The following ADAMTSL1 variants were observed in gnomAD, a reference collection of about 807,000 sequenced individuals.
ADAMTSL1 encodes ADAMTS like 1.
Under a neutral mutation model 201.8 loss-of-function variants are expected in ADAMTSL1, and 126 were observed. The ratio of observed to expected loss-of-function variants is 0.62; its 90% CI spans 0.54 to 0.72. ADAMTSL1 has a LOEUF of 0.72. ADAMTSL1 is among the 30% of genes least tolerant of loss of function. ADAMTSL1 has a pLI of 0.00. For synonymous variants in ADAMTSL1, 1,121 were observed against 903.4 expected, an observed-to-expected ratio of 1.24 and a Z score of -4.32; for missense variants, 2,679 against 2,277.8, an observed-to-expected ratio of 1.18 and a Z score of -3.59.
intron 3 of ADAMTSL1, among the ~76,000 whole-genome samples, chr9:18,565,539 G>A (rs1239265959): frequency 6.7e-6 from 1 of 149,932 alleles, no homozygotes; most frequent in African/African-American, 2.5e-5. Context: ...ATGAAAATAT[G>A]GTGCCCTAAG....
chr9:18,401,545 AC>A (rs1220895269), intron 2 of ADAMTSL1, among the ~76,000 whole-genome samples: 1 of 152,192 alleles, frequency 6.6e-6, no homozygotes, highest in East Asian at 1.9e-4. Flanking sequence ...CTGAAGCATC[AC>A]CAAATTTTAA....
At chr9:18,327,942 T>C (rs1362211672) in intron 2 of ADAMTSL1, among the ~76,000 whole-genome samples, 1 of 152,206 alleles carries the variant, frequency 6.6e-6, no homozygotes, top group Non-Finnish European at 1.5e-5. Flanking sequence ...TCCTGTTTTT[T>C]GTTTGTTTGT....
At chr9:18,231,734 A>G (rs997889145) in intron 2 of ADAMTSL1, among the ~76,000 whole-genome samples, 4 of 152,194 alleles carry the variant, frequency 2.6e-5, no homozygotes, top group African/African-American at 9.6e-5. Flanking sequence ...CTTACGTGAG[A>G]TAAACTCTGG....
At chr9:17,981,509 T>C (rs930864591) in intron 1 of ADAMTSL1, among the ~76,000 whole-genome samples, 2 of 152,232 alleles carry the variant, frequency 1.3e-5, no homozygotes, top group African/African-American at 4.8e-5. Context: ...TGTGTCTTAT[T>C]AATTTTGACT....
Position 18,329,127 on chromosome 9 carries a change from C to A in ADAMTSL1, c.207+165146C>A, listed in dbSNP as rs1834937329. ...AGAGCCCTCATGAATGGGATTAGTG[C>A]CCTTATAAAAGAGACCACAGAGAGC... On this transcript the variant is annotated intron_variant, in intron 2 of 29. Transcript: ENST00000680146. 3.3e-5 allele frequency among the ~76,000 whole-genome samples: 5 copies of A among 151,984 alleles called. No homozygotes were observed. In the South Asian group the frequency reaches 1.0e-3, roughly 32 times the overall value.
intron 2 of ADAMTSL1, among the ~76,000 whole-genome samples, chr9:18,388,444 T>C (rs1040259859): frequency 1.3e-5 from 2 of 152,102 alleles, no homozygotes; most frequent in East Asian, 3.9e-4. Context: ...TGGCTAATTT[T>C]TGCATTTTCT....
At chr9:17,992,349 T>C (rs1273650342) in intron 1 of ADAMTSL1, among the ~76,000 whole-genome samples, 1 of 152,196 alleles carries the variant, frequency 6.6e-6, no homozygotes, top group Non-Finnish European at 1.5e-5. Context: ...AGTACTTTGT[T>C]GCTTGTAAAA....
intron 1 of ADAMTSL1, among the ~76,000 whole-genome samples, chr9:18,030,737 C>G (rs960743732): frequency 6.6e-6 from 1 of 152,012 alleles, no homozygotes; most frequent in African/African-American, 2.4e-5. Flanking sequence ...TTTTTGTGGA[C>G]TGTATACTCA....
intron 2 of ADAMTSL1, among the ~76,000 whole-genome samples, chr9:18,408,343 C>G (rs940842150): frequency 6.6e-6 from 1 of 152,090 alleles, no homozygotes; most frequent in Non-Finnish European, 1.5e-5. Context: ...TGGTGGTAGG[C>G]ACCTGTAATC....
intron 1 of ADAMTSL1, among the ~76,000 whole-genome samples, chr9:18,101,421 C>T (rs2131848827): frequency 6.6e-6 from 1 of 151,796 alleles, no homozygotes; most frequent in African/African-American, 2.4e-5. Flanking sequence ...TAGCTTGAAC[C>T]CAGGAGGCGG....
chr9:18,777,919 G>A lies in ADAMTSL1; in HGVS notation c.3677+13G>A. On this transcript the variant is annotated intron_variant, in intron 19 of 28. Transcript: ENST00000380548. ...AGTTCAGTGACAGGTGAGCCTTGTAGCTAACCTGGTCTTGGGAGGGAGGCA... is the reference window on the plus strand; with the variant it reads ...AGTTCAGTGACAGGTGAGCCTTGTAACTAACCTGGTCTTGGGAGGGAGGCA... The A allele has an allele frequency of 6.6e-7, 1 of 1,526,706 alleles. No homozygotes were observed. Among genetic ancestry groups the A allele is most frequent in the African/African-American group, 1.4e-5 (1 of 72,468 alleles). The allele number at this position is 1,526,706 out of a possible 1,614,324, so 94.6% of individuals were successfully genotyped here.
intron 2 of ADAMTSL1, among the ~76,000 whole-genome samples, chr9:18,186,190 A>G (rs933204219): frequency 3.3e-5 from 5 of 152,180 alleles, no homozygotes; most frequent in Admixed American, 3.3e-4. Flanking sequence ...ATGGTTGTGG[A>G]CCATAGGCTG....
chr9:18,022,742 A>T (rs1471218457), intron 1 of ADAMTSL1, among the ~76,000 whole-genome samples: 14 of 152,208 alleles, frequency 9.2e-5, no homozygotes, highest in African/African-American at 3.4e-4. Context: ...TGATTTATGC[A>T]TGTGCTGAAT....
At position 18,908,520 on chromosome 9, in the gene ADAMTSL1, G is replaced by A. The variant is rs41268987; in HGVS notation, c.5261G>A (p.Arg1754His). ...KLCQLSQFKS[R>H]CCGTCGKA ...TGCCAACTCAGCCAGTTTAAATCTC[G>A]CTGCTGTGGAACTTGTGGCAAAGCG... The change falls in exon 29 of 29, where the codon CGC becomes CAC. Residue 1754 changes from arginine to histidine, a missense_variant. Transcript: ENST00000380548. The A allele has an allele frequency of 2.3e-5, 36 of 1,562,798 alleles. No homozygotes were observed. The highest frequency in any genetic ancestry group is 4.1e-5 in the African/African-American group (3 of 73,442).
At chr9:18,490,631 G>T (rs1467573664) in intron 1 of ADAMTSL1, among the ~76,000 whole-genome samples, 8 of 152,168 alleles carry the variant, frequency 5.3e-5, no homozygotes, top group Admixed American at 5.2e-4. Context: ...AGCACAGAGA[G>T]AACAGGGGCC....
At chr9:17,963,432 G>C (rs566707469) in intron 1 of ADAMTSL1, among the ~76,000 whole-genome samples, 13 of 152,246 alleles carry the variant, frequency 8.5e-5, no homozygotes, top group African/African-American at 2.9e-4. Flanking sequence ...TAGAGAAAGA[G>C]CTATTTAAAG....
chr9:18,568,743 G>A (rs1315660438), intron 3 of ADAMTSL1, among the ~76,000 whole-genome samples: 5 of 99,622 alleles, frequency 5.0e-5, no homozygotes, highest in East Asian at 4.9e-4. Context: ...TTTTTTTTTC[G>A]GTTACTACAG....
At chr9:18,056,387 G>A (rs1332870654) in intron 1 of ADAMTSL1, among the ~76,000 whole-genome samples, 1 of 152,104 alleles carries the variant, frequency 6.6e-6, no homozygotes, top group Non-Finnish European at 1.5e-5. Flanking sequence ...TTCAAATCCT[G>A]AGCCTCCAGT....
intron 15 of ADAMTSL1, among the ~76,000 whole-genome samples, chr9:18,724,974 T>C (rs1296540083): frequency 6.6e-6 from 1 of 151,908 alleles, no homozygotes; most frequent in African/African-American, 2.4e-5. Flanking sequence ...TGGTGAGATC[T>C]CAGCTCACTG....
Sources: allele counts gnomAD v4.1 joint callset (sites outside exome capture counted in the v4.1 genomes callset), GRCh38; gene constraint gnomAD v4.1.1; transcripts MANE v1.5; gene names NCBI Gene and HGNC (gene_info 2026-07-23, HGNC 2026-07-21).